Variants in COL13A1 observed in about 807,000 individuals in gnomAD.
COL13A1 encodes the protein collagen alpha-1(XIII) chain.
In COL13A1, 89 loss-of-function variants were observed where a neutral mutation model predicts 130.9. That is an observed-to-expected ratio of 0.68 (90% CI 0.57 to 0.81). The LOEUF is 0.81. COL13A1 is among the 30% of genes least tolerant of loss of function. The pLI, the probability that COL13A1 is intolerant of heterozygous loss-of-function variation, is 0.00. For missense variants in COL13A1, 879 were observed against 934.6 expected, an observed-to-expected ratio of 0.94 and a Z score of 0.78; for synonymous variants, 402 against 341.6, an observed-to-expected ratio of 1.18 and a Z score of -1.95.
intron 2 of COL13A1, among the ~76,000 whole-genome samples, chr10:69,833,562 G>A (rs1336303457): frequency 2.0e-5 from 3 of 152,182 alleles, no homozygotes; most frequent in Non-Finnish European, 4.4e-5. Flanking sequence ...CATCTAGTTT[G>A]GGAAATGCAA....
chr10:69,857,768 C>T (rs1265254962), intron 2 of COL13A1, among the ~76,000 whole-genome samples: 1 of 152,180 alleles, frequency 6.6e-6, no homozygotes, highest in Admixed American at 6.5e-5. Flanking sequence ...CTCCTGAAGT[C>T]CACCTTAAAA....
At chr10:69,828,998 C>T (rs142125993) in intron 2 of COL13A1, among the ~76,000 whole-genome samples, 485 of 152,240 alleles carry the variant, frequency 3.2e-3, no homozygotes, top group Admixed American at 7.1e-3. Flanking sequence ...CACCTACAAA[C>T]CACACTGGGC....
chr10:69,883,308 C>T (rs1316306998), intron 7 of COL13A1, among the ~76,000 whole-genome samples: 1 of 152,182 alleles, frequency 6.6e-6, no homozygotes, highest in African/African-American at 2.4e-5. Flanking sequence ...CTAGGAAATG[C>T]CCTACCTCAA....
chr10:69,909,390 G>T (rs942822178), intron 17 of COL13A1, among the ~76,000 whole-genome samples: 1 of 152,124 alleles, frequency 6.6e-6, no homozygotes, highest in Non-Finnish European at 1.5e-5. Context: ...CCCCATCACC[G>T]CCTCTCTGGG....
Position 69,925,972 on chromosome 10 carries a change from T to C in COL13A1, c.1398+100T>C, listed in dbSNP as rs2065299860. ...CTTCCACACAGCCGAGTAGGGGCCC[T>C]GCCCTCAGGCCCTCAGGCAGCGCTT... On this transcript the variant is annotated intron_variant, in intron 26 of 40. Transcript: ENST00000645393. The C allele has an allele frequency of 4.1e-6, 4 of 980,148 alleles. No homozygotes were observed. The South Asian group carries it at 4.3e-5, about 11-fold the overall frequency. The allele number at this position is 980,148 out of a possible 1,614,324, so 60.7% of individuals were successfully genotyped here.
chr10:69,895,611 G>A (rs1289423208), intron 13 of COL13A1, 35 bp downstream of exon 13: 1 of 1,612,406 alleles, frequency 6.2e-7, no homozygotes, highest in Non-Finnish European at 8.5e-7. Flanking sequence ...AGGGCACTTT[G>A]ATCCATCCCT....
At chr10:69,939,662 TGA>T (rs1319942268) in intron 34 of COL13A1, among the ~76,000 whole-genome samples, 4 of 152,234 alleles carry the variant, frequency 2.6e-5, no homozygotes, top group Non-Finnish European at 4.4e-5. Context: ...TGGAATCCCC[TGA>T]GAGCTTTTCA....
intron 2 of COL13A1, among the ~76,000 whole-genome samples, chr10:69,856,331 C>T (rs970485743): frequency 1.3e-5 from 2 of 152,192 alleles, no homozygotes; most frequent in Non-Finnish European, 2.9e-5. Flanking sequence ...GCCCTTAGCA[C>T]TTTGCCACAG....
chr10:69,947,250 G>A, intron 37 of COL13A1, 57 bp from the exon 38 acceptor site: 6 of 1,526,170 alleles, frequency 3.9e-6, no homozygotes, highest in Non-Finnish European at 5.4e-6. Context: ...AGAAAGCACT[G>A]TACAGCTGGC....
intron 2 of COL13A1, among the ~76,000 whole-genome samples, chr10:69,859,281 C>T (rs1857308965): frequency 6.6e-6 from 1 of 152,174 alleles, no homozygotes; most frequent in South Asian, 2.1e-4. Context: ...ACCACAATTA[C>T]TTTTGTACCA....
At chr10:69,877,699 T>TCTCA (rs1233268169) in intron 5 of COL13A1, 166 of 86,848 alleles carry the variant, frequency 1.9e-3, no homozygotes, top group South Asian at 0.011. Flanking sequence ...TCTCTCTCTC[T>TCTCA]CACACACACA....
intron 2 of COL13A1, among the ~76,000 whole-genome samples, chr10:69,844,018 C>T (rs1382328067): frequency 6.6e-6 from 1 of 152,060 alleles, no homozygotes; most frequent in Non-Finnish European, 1.5e-5. Flanking sequence ...AGGAGAGATG[C>T]CCACCAGTAA....
chr10:69,817,793 G>A (rs541310685), intron 1 of COL13A1, among the ~76,000 whole-genome samples: 1 of 152,252 alleles, frequency 6.6e-6, no homozygotes, highest in Non-Finnish European at 1.5e-5. Context: ...AGGACCCGCA[G>A]GTTGAAGGCC....
At chr10:69,931,946 T>A (rs1254746781) in intron 30 of COL13A1, among the ~76,000 whole-genome samples, 2 of 152,104 alleles carry the variant, frequency 1.3e-5, no homozygotes, top group African/African-American at 4.8e-5. Flanking sequence ...GAGCTAGGGA[T>A]CCCCTTCCAA....
Position 69,872,224 on chromosome 10 carries a change from G to T in COL13A1, c.399+14G>T. 1 of 1,613,964 alleles carries T rather than the reference G, an allele frequency of 6.2e-7. No individual in the cohort carries two copies. The highest frequency in any genetic ancestry group is 1.1e-5 in the South Asian group (1 of 91,062). ...CCCGGACTCCCAGTAAGTCACTTTT[G>T]TTTCTTCTTTCCTTTGCATCTCTTT... On this transcript the variant is annotated intron_variant, in intron 4 of 40. Transcript: ENST00000645393.
intron 13 of COL13A1, chr10:69,897,487 A>C (rs2061763566): frequency 6.2e-7 from 1 of 1,613,792 alleles, no homozygotes; most frequent in African/African-American, 1.3e-5. Flanking sequence ...GTGCCTAAGC[A>C]GCATGCCAGC....
intron 17 of COL13A1, among the ~76,000 whole-genome samples, chr10:69,906,521 G>C (rs142943843): frequency 3.0e-4 from 46 of 152,186 alleles, no homozygotes; most frequent in African/African-American, 1.1e-3. Flanking sequence ...CAGCACAGCA[G>C]GTCCAGGGCA....
intron 2 of COL13A1, among the ~76,000 whole-genome samples, chr10:69,836,245 C>A (rs1004862777): frequency 2.0e-5 from 3 of 152,220 alleles, no homozygotes; most frequent in African/African-American, 7.2e-5. Context: ...ACCCAGGGCT[C>A]CGGTGGGGCT....
intron 28 of COL13A1, 137 bp from the exon 29 acceptor site, chr10:69,929,906 C>T (rs1161599450): frequency 2.7e-6 from 2 of 731,400 alleles, no homozygotes; most frequent in Non-Finnish European, 4.8e-6. Context: ...TCATACCTCC[C>T]AGCAACACAG....
Sources: allele counts gnomAD v4.1 joint callset (sites outside exome capture counted in the v4.1 genomes callset), GRCh38; gene constraint gnomAD v4.1.1; transcripts MANE v1.5; gene names NCBI Gene and HGNC (gene_info 2026-07-23, HGNC 2026-07-21).